Variants in LRRTM3 observed in about 807,000 individuals in gnomAD.
The protein encoded by LRRTM3 is leucine rich repeat transmembrane neuronal 3.
In LRRTM3, 24 loss-of-function variants were observed where a neutral mutation model predicts 44.7. The observed-to-expected ratio is 0.54, with a 90% CI of 0.39 to 0.76. LRRTM3 has a LOEUF of 0.76. Ranked by LOEUF, LRRTM3 falls within the 30% of genes least tolerant of loss-of-function variation. The pLI is 0.00. For missense variants in LRRTM3, 587 were observed against 702.2 expected (o/e 0.84, Z 1.85); for synonymous variants, 277 against 278.7 (o/e 0.99, Z 0.06).
intron 2 of LRRTM3, among the ~76,000 whole-genome samples, chr10:67,078,222 A>C (rs1451430423): frequency 5.9e-5 from 9 of 152,210 alleles, no homozygotes; most frequent in Non-Finnish European, 1.2e-4. Context: ...TCAAATGGGC[A>C]TGAAGAGTGA....
chr10:66,941,518 T>A lies in LRRTM3; in HGVS notation c.1536+13066T>A, dbSNP rs980483615. On this transcript the variant is annotated intron_variant, in intron 2 of 2. Transcript: ENST00000361320. ...ATCTTCACCTCTTTCCTTTCAACTG[T>A]ATGGAATTTGAATCTGACAAACAAC... 2.0e-5 allele frequency among the ~76,000 whole-genome samples: 3 copies of A among 152,260 alleles called. No homozygotes were observed. In the East Asian group the frequency reaches 5.8e-4, roughly 29 times the overall value.
At chr10:66,933,351 AAAAC>A (rs1272377949) in intron 2 of LRRTM3, among the ~76,000 whole-genome samples, 1 of 152,254 alleles carries the variant, frequency 6.6e-6, no homozygotes, top group African/African-American at 2.4e-5. Context: ...AGCGAACACT[AAAAC>A]AAATAATTAT....
At chr10:66,938,277 G>A (rs1232027975) in intron 2 of LRRTM3, among the ~76,000 whole-genome samples, 1 of 152,014 alleles carries the variant, frequency 6.6e-6, no homozygotes, top group African/African-American at 2.4e-5. Context: ...TGAGGGTCAA[G>A]AGAACAAACC....
At chr10:66,978,368 AT>A (rs1159570811) in intron 2 of LRRTM3, among the ~76,000 whole-genome samples, 2 of 151,316 alleles carry the variant, frequency 1.3e-5, no homozygotes, top group East Asian at 3.9e-4. Flanking sequence ...TCTACTAAAA[AT>A]ACAAAAAACT....
At chr10:67,053,926 G>A (rs1256615647) in intron 2 of LRRTM3, among the ~76,000 whole-genome samples, 2 of 152,118 alleles carry the variant, frequency 1.3e-5, no homozygotes, top group Non-Finnish European at 2.9e-5. Context: ...AATGGTCAAT[G>A]AGACTCTGGC....
chr10:67,038,237 GCCA>G (rs1287349491), intron 2 of LRRTM3, among the ~76,000 whole-genome samples: 25 of 151,970 alleles, frequency 1.6e-4, no homozygotes, highest in African/African-American at 5.8e-4. Context: ...TTGTTGATTA[GCCA>G]TTCTAAAAAA....
intron 2 of LRRTM3, among the ~76,000 whole-genome samples, chr10:66,984,147 G>A (rs369603857): frequency 0.02 from 1,164 of 56,952 alleles, 15 homozygotes; most frequent in African/African-American, 0.046. Context: ...GGAGTCATCC[G>A]CTACCAAAAA....
At chr10:66,979,765 G>T (rs1850302850) in intron 2 of LRRTM3, among the ~76,000 whole-genome samples, 1 of 152,108 alleles carries the variant, frequency 6.6e-6, no homozygotes, top group Admixed American at 6.5e-5. Flanking sequence ...TATCATAATA[G>T]AACTACAGCT....
chr10:66,973,812 T>TG (rs1400172650), intron 2 of LRRTM3, among the ~76,000 whole-genome samples: 1 of 152,196 alleles, frequency 6.6e-6, no homozygotes, highest in East Asian at 1.9e-4. Flanking sequence ...TTTACTGAGA[T>TG]GGGGTTTCAC....
At chr10:66,941,069 G>A (rs1159777942) in intron 2 of LRRTM3, among the ~76,000 whole-genome samples, 1 of 152,198 alleles carries the variant, frequency 6.6e-6, no homozygotes, top group Admixed American at 6.5e-5. Context: ...GGGAAAGGCA[G>A]TTTAAGAAAT....
At chr10:66,969,788 T>A (rs1413876119) in intron 2 of LRRTM3, among the ~76,000 whole-genome samples, 2 of 152,160 alleles carry the variant, frequency 1.3e-5, no homozygotes, top group Non-Finnish European at 2.9e-5. Context: ...CTGCCTCACA[T>A]TTGAGGAGAA....
chr10:67,032,428 T>C (rs1309933305), intron 2 of LRRTM3, among the ~76,000 whole-genome samples: 1 of 152,070 alleles, frequency 6.6e-6, no homozygotes, highest in Non-Finnish European at 1.5e-5. Context: ...ATTTCCAAAG[T>C]ATGAGTTTGT....
intron 2 of LRRTM3, among the ~76,000 whole-genome samples, chr10:67,094,205 C>A (rs1678402469): frequency 6.6e-6 from 1 of 151,834 alleles, no homozygotes; most frequent in Non-Finnish European, 1.5e-5. Context: ...AAATATCCCT[C>A]CCTTACAAAT....
At chr10:66,986,057 A>G (rs921775523) in intron 2 of LRRTM3, among the ~76,000 whole-genome samples, 2 of 152,068 alleles carry the variant, frequency 1.3e-5, no homozygotes, top group Non-Finnish European at 2.9e-5. Flanking sequence ...TTTGCATTGT[A>G]CTTACAATTT....
intron 2 of LRRTM3, among the ~76,000 whole-genome samples, chr10:67,032,812 C>A (rs1853817059): frequency 6.6e-6 from 1 of 152,152 alleles, no homozygotes; most frequent in Non-Finnish European, 1.5e-5. Context: ...GCTCCCCTAT[C>A]AGACCACACT....
chr10:66,985,416 C>A (rs1850673118), intron 2 of LRRTM3, among the ~76,000 whole-genome samples: 1 of 152,088 alleles, frequency 6.6e-6, no homozygotes, highest in Admixed American at 6.6e-5. Flanking sequence ...CCAACAGGAA[C>A]CTGGCCTTAG....
intron 2 of LRRTM3, among the ~76,000 whole-genome samples, chr10:67,032,427 G>C (rs1388898455): frequency 6.6e-6 from 1 of 151,998 alleles, no homozygotes; most frequent in Admixed American, 6.6e-5. Flanking sequence ...GATTTCCAAA[G>C]TATGAGTTTG....
In LRRTM3 at chr10:66,928,319, C is replaced by T; in HGVS notation, c.1403C>T (p.Ser468Phe). The change falls in exon 2 of 3, where the codon TCC (serine) becomes TTC (phenylalanine). Residue 468 changes from serine (S) to phenylalanine (F), a missense_variant. By Grantham distance (155) the Ser-to-Phe change is radical (BLOSUM62 -2). Around this residue, in one of 3 missense-constraint regions of LRRTM3, gnomAD observed 315 missense variants for 335.6 expected, o/e 0.94. Coordinates refer to ENST00000361320, the MANE Select transcript of LRRTM3 (RefSeq NM_178011.5). ...MRRHRKKKRQ[S>F]LKQMTPSTQE... ...AGGCACAGGAAAAAGAAAAGACAGT[C>T]CCTAAAGCAAATGACTCCCAGCACC... 5 of 1,614,136 alleles carry T rather than the reference C, an allele frequency of 3.1e-6. No individual in the cohort carries two copies. Among genetic ancestry groups the T allele is most frequent in the Non-Finnish European group, 4.2e-6 (5 of 1,180,026 alleles).
In LRRTM3 at chr10:66,926,534, C is replaced by G. The variant is rs538935521; in HGVS notation, c.-50C>G. 7.4e-5 allele frequency: 119 copies of G among 1,611,698 alleles called. 1 individual carries two copies. The South Asian group carries it at 1.3e-3, about 17-fold the overall frequency. On this transcript the variant is annotated 5_prime_UTR_variant, in exon 1 of 3. Transcript: ENST00000361320. ...TGACAGGGGCTGTCATGCAACTGGC[C>G]CCTAAGCCAAAGCAAAAGACCTAAG...
Sources: gnomAD v4.1 joint callset for allele counts (sites outside exome capture counted in the v4.1 genomes callset) on GRCh38, gnomAD v4.1.1 for gene constraint, gnomAD v4.1.1 regional missense constraint, MANE v1.5 for transcripts, NCBI Gene and HGNC (gene_info 2026-07-23, HGNC 2026-07-21) for gene names.